CADM1: variants seen among roughly 807,000 people sequenced by gnomAD.
CADM1 encodes TSLC-1.
A neutral mutation model predicts 53.1 loss-of-function variants in CADM1; 15 were observed. That is an observed-to-expected ratio of 0.28 (90% CI 0.19 to 0.44). The LOEUF (loss-of-function observed/expected upper bound fraction) is 0.44, where lower values mean the gene tolerates loss of function less well. Ranked by LOEUF, CADM1 falls within the 20% of genes least tolerant of loss-of-function variation. The probability of loss-of-function intolerance (pLI) is 1.00; values close to 1 mark genes in which losing one functional copy is unlikely to be tolerated. For synonymous variants in CADM1, 281 were observed against 243.0 expected, an observed-to-expected ratio of 1.16 and a Z score of -1.45; for missense variants, 434 against 611.3, an observed-to-expected ratio of 0.71 and a Z score of 3.06.
At chr11:115,466,932 A>T (rs1167006863) in intron 1 of CADM1, among the ~76,000 whole-genome samples, 1 of 152,240 alleles carries the variant, frequency 6.6e-6, no homozygotes, top group Non-Finnish European at 1.5e-5. Context: ...CTGTGAGTAC[A>T]TCACTTACCA....
intron 1 of CADM1, among the ~76,000 whole-genome samples, chr11:115,452,930 T>C (rs929560420): frequency 2.0e-5 from 3 of 152,186 alleles, no homozygotes; most frequent in Non-Finnish European, 2.9e-5. Flanking sequence ...GGAGGTATCA[T>C]TGCTTTCTTG....
At chr11:115,441,031 C>A (rs1390770335) in intron 1 of CADM1, among the ~76,000 whole-genome samples, 1 of 151,852 alleles carries the variant, frequency 6.6e-6, no homozygotes, top group Non-Finnish European at 1.5e-5. Context: ...CCTACCACCT[C>A]TTCTTCAAGT....
At position 115,174,770 on chromosome 11, in the gene CADM1, T is replaced by A. The variant is rs1460364180; in HGVS notation, c.*1704A>T. 1 of 905,848 alleles carries A rather than the reference T, an allele frequency of 1.1e-6. No individual in the cohort carries two copies. The highest frequency in any genetic ancestry group is 1.3e-6 in the Non-Finnish European group (1 of 757,486). The allele number at this position is 905,848 out of a possible 1,614,324, so 56.1% of individuals were successfully genotyped here. ...ATTTATATATATATATAGATCTATC[T>A]TTTTTGATGCCATCTTTCCATAGGG... is the stretch of plus-strand genomic sequence containing the variant. On this transcript the variant is annotated 3_prime_UTR_variant, in exon 12 of 12. Coordinates refer to ENST00000331581, the MANE Select transcript of CADM1 (RefSeq NM_001301043.2).
chr11:115,170,032 G>A lies in CADM1; in HGVS notation c.*6442C>T, dbSNP rs1938737156. 6.0e-6 allele frequency: 1 copy of A among 167,046 alleles called. No homozygotes were observed. The highest frequency in any genetic ancestry group is 1.3e-5 in the Non-Finnish European group (1 of 76,638). The allele number at this position is 167,046 out of a possible 1,614,324, so 10.3% of individuals were successfully genotyped here. A position where few individuals can be genotyped will look rare whatever the true frequency, so the allele number is the denominator to read the frequency against. On this transcript the variant is annotated 3_prime_UTR_variant, in exon 12 of 12. Coordinates refer to ENST00000331581, the MANE Select transcript of CADM1 (RefSeq NM_001301043.2). ...TGCAGGATAAACAGTATTAGAAGAT[G>A]CAATCGTAACATTGCTGACTTCAGG...
intron 3 of CADM1, among the ~76,000 whole-genome samples, chr11:115,233,251 G>T (rs1312819156): frequency 2.0e-5 from 3 of 152,056 alleles, no homozygotes; most frequent in African/African-American, 7.2e-5. Context: ...ATATGATATG[G>T]CCCAAATGAG....
chr11:115,210,311 G>A (rs560203057), intron 7 of CADM1, among the ~76,000 whole-genome samples: 2 of 152,244 alleles, frequency 1.3e-5, no homozygotes, highest in South Asian at 4.1e-4. Flanking sequence ...AGTTGCCTTT[G>A]CTCATATTAA....
intron 1 of CADM1, among the ~76,000 whole-genome samples, chr11:115,315,709 A>G (rs1762942210): frequency 6.6e-6 from 1 of 152,056 alleles, no homozygotes; most frequent in Non-Finnish European, 1.5e-5. Context: ...CCACCAAACA[A>G]AACAAAAATG....
At chr11:115,230,633 T>C (rs12800807) in intron 4 of CADM1, among the ~76,000 whole-genome samples, 53,040 of 152,094 alleles carry the variant, frequency 0.35, 11,169 homozygotes, top group Non-Finnish European at 0.47. Context: ...TATTTGAGGA[T>C]CCAGGACCCG....
At position 115,175,640 on chromosome 11, in the gene CADM1, C is replaced by T. The variant is rs1215063108; in HGVS notation, c.*834G>A. ...ATGGAAAAAGGAGGAGTCCTTTCTG[C>T]CCCAAACCTTTCTGGACAGCGTAGG... On this transcript the variant is annotated 3_prime_UTR_variant, in exon 12 of 12. Coordinates refer to ENST00000331581, the MANE Select transcript of CADM1 (RefSeq NM_001301043.2). 6.1e-6 allele frequency: 6 copies of T among 985,580 alleles called. No homozygotes were observed. Among genetic ancestry groups the T allele is most frequent in the Admixed American group, 6.1e-5 (1 of 16,262 alleles). The allele number at this position is 985,580 out of a possible 1,614,324, so 61.1% of individuals were successfully genotyped here.
chr11:115,265,355 C>A (rs1211991828), intron 1 of CADM1, among the ~76,000 whole-genome samples: 1 of 152,154 alleles, frequency 6.6e-6, no homozygotes, highest in East Asian at 1.9e-4. Context: ...GTATCTGGCC[C>A]TTAGTCTTCC....
chr11:115,504,225 G>T (rs1949800452), intron 1 of CADM1, 46 bp downstream of exon 1: 1 of 1,559,398 alleles, frequency 6.4e-7, no homozygotes, highest in Non-Finnish European at 8.7e-7. Context: ...GGCTACTGGG[G>T]TGCCTTCGGA....
chr11:115,404,346 A>AAAAAAATAT (rs1947251974), intron 1 of CADM1, among the ~76,000 whole-genome samples: 3 of 33,784 alleles, frequency 8.9e-5, no homozygotes, highest in African/African-American at 2.7e-4. Flanking sequence ...AAAAAAAAAA[A>AAAAAAATAT]ATATATATAT....
chr11:115,348,646 T>C (rs1304278986), intron 1 of CADM1, among the ~76,000 whole-genome samples: 1 of 152,134 alleles, frequency 6.6e-6, no homozygotes, highest in Non-Finnish European at 1.5e-5. Flanking sequence ...GCAGCTCTTG[T>C]CTGCTATGTT....
At chr11:115,198,682 G>T (rs1940278016) in intron 8 of CADM1, among the ~76,000 whole-genome samples, 2 of 152,182 alleles carry the variant, frequency 1.3e-5, no homozygotes, top group Admixed American at 6.5e-5. Flanking sequence ...GGTTCTGGGG[G>T]TCTTGCCAGG....
At chr11:115,342,821 T>G (rs1392291709) in intron 1 of CADM1, among the ~76,000 whole-genome samples, 1 of 152,154 alleles carries the variant, frequency 6.6e-6, no homozygotes, top group Non-Finnish European at 1.5e-5. Flanking sequence ...ATGTTCAACC[T>G]TATATAACCT....
At chr11:115,178,213 A>G (rs1487942585) in intron 11 of CADM1, among the ~76,000 whole-genome samples, 2 of 152,212 alleles carry the variant, frequency 1.3e-5, no homozygotes, top group Non-Finnish European at 2.9e-5. Flanking sequence ...TGACCAGCTT[A>G]CACAGAGTCT....
At chr11:115,374,921 G>T (rs1026911138) in intron 1 of CADM1, among the ~76,000 whole-genome samples, 1 of 151,894 alleles carries the variant, frequency 6.6e-6, no homozygotes, top group Non-Finnish European at 1.5e-5. Flanking sequence ...CAAATAAAAA[G>T]GTTTTTTTCA....
chr11:115,219,972 A>G lies in CADM1; in HGVS notation c.722-1981T>C, dbSNP rs117015417. On this transcript the variant is annotated intron_variant, in intron 5 of 11. Coordinates refer to ENST00000331581, the MANE Select transcript of CADM1 (RefSeq NM_001301043.2). ...TAGAGTTCCTAGTTAGGGGACCTCT[A>G]TCATTCTTACCCATGAACCTTCTGG... Among the ~76,000 whole-genome samples, 28 of 152,264 alleles carry G rather than the reference A, an allele frequency of 1.8e-4. No individual in the cohort carries two copies. The East Asian group carries it at 5.4e-3, about 29-fold the overall frequency.
At chr11:115,182,294 G>A (rs1565282187) in intron 10 of CADM1, among the ~76,000 whole-genome samples, 1 of 152,180 alleles carries the variant, frequency 6.6e-6, no homozygotes, top group Admixed American at 6.5e-5. Flanking sequence ...CAGGCATATG[G>A]ACATCACTTC....
Sources: allele counts gnomAD v4.1 joint callset (sites outside exome capture counted in the v4.1 genomes callset), GRCh38; gene constraint gnomAD v4.1.1; transcripts MANE v1.5; gene names NCBI Gene and HGNC (gene_info 2026-07-23, HGNC 2026-07-21).